The following NOX3 variants were observed in gnomAD, a reference collection of about 807,000 sequenced individuals.
The protein encoded by NOX3 is NADPH oxidase catalytic subunit-like 3.
In NOX3, 74 loss-of-function variants were observed where a neutral mutation model predicts 76.7. The observed-to-expected ratio is 0.96, with a 90% confidence interval of 0.80 to 1.17. NOX3 has a LOEUF of 1.17. NOX3 is among the 50% of genes most tolerant of loss of function. The pLI, the probability that NOX3 is intolerant of heterozygous loss-of-function variation, is 0.00. For missense variants in NOX3, 695 were observed against 703.3 expected, an observed-to-expected ratio of 0.99 and a Z score of 0.13; for synonymous variants, 263 against 261.1, an observed-to-expected ratio of 1.01 and a Z score of -0.07.
chr6:155,419,865 G>T (rs1776667353), intron 10 of NOX3, among the ~76,000 whole-genome samples: 1 of 152,092 alleles, frequency 6.6e-6, no homozygotes, highest in East Asian at 1.9e-4. Flanking sequence ...AATCATTGAA[G>T]AATTTTTTTG....
At chr6:155,416,046 A>G (rs939174286) in intron 10 of NOX3, among the ~76,000 whole-genome samples, 2 of 152,204 alleles carry the variant, frequency 1.3e-5, no homozygotes, top group Admixed American at 6.5e-5. Flanking sequence ...GATGTGCTCC[A>G]TGAAGGGGAA....
chr6:155,405,094 T>C (rs538200663), intron 12 of NOX3, among the ~76,000 whole-genome samples: 1 of 151,902 alleles, frequency 6.6e-6, no homozygotes, highest in Non-Finnish European at 1.5e-5. Context: ...AGAACAAATA[T>C]GAAGGAAGTA....
At chr6:155,453,271 T>C (rs1183008695) in intron 4 of NOX3, 133 bp downstream of exon 4, 3 of 725,676 alleles carry the variant, frequency 4.1e-6, no homozygotes, top group Admixed American at 2.0e-5. Flanking sequence ...TTGTGTAAGG[T>C]TTACAGGGTC....
chr6:155,444,602 T>C (rs1777036294), intron 4 of NOX3, among the ~76,000 whole-genome samples: 1 of 152,256 alleles, frequency 6.6e-6, no homozygotes, highest in South Asian at 2.1e-4. Flanking sequence ...ACAAATCTTC[T>C]ATCTGAAATT....
chr6:155,445,982 TATATATATATATATA>T (rs1562472161), intron 4 of NOX3, among the ~76,000 whole-genome samples: 1 of 27,040 alleles, frequency 3.7e-5, no homozygotes, highest in African/African-American at 2.0e-4. Context: ...ATATATATGC[TATATATATATATATA>T]ATATATATAT....
chr6:155,417,422 G>A (rs1256590846), intron 10 of NOX3, among the ~76,000 whole-genome samples: 1 of 152,202 alleles, frequency 6.6e-6, no homozygotes, highest in Non-Finnish European at 1.5e-5. Flanking sequence ...TTTGCAAGAA[G>A]ACTGTAGTCA....
In NOX3 at chr6:155,411,229, G is replaced by C. The variant is rs1232419293; in HGVS notation, c.1440C>G (p.Gly480=). 3 of 1,613,480 alleles carry C rather than the reference G, an allele frequency of 1.9e-6. No homozygotes were observed. Among genetic ancestry groups the C allele is most frequent in the Non-Finnish European group, 2.5e-6 (3 of 1,179,784 alleles). The change falls in exon 11 of 14, where the codon GGC becomes GGG. Residue 480 remains glycine, a synonymous_variant. Coordinates refer to ENST00000159060, the MANE Select transcript of NOX3 (RefSeq NM_015718.3). ...TTATCAGTACCTGATTTTCATCCCA[G>C]CCGGTAAGAAATATATGATAACTCA... is the stretch of plus-strand genomic sequence containing the variant. The part of the protein sequence containing the change: ...HFLSYHIFLT[G]WDENQALHIA...
chr6:155,399,100 A>G (rs1779177942), intron 12 of NOX3, among the ~76,000 whole-genome samples: 1 of 152,202 alleles, frequency 6.6e-6, no homozygotes, highest in Non-Finnish European at 1.5e-5. Context: ...TGGTAGATGG[A>G]TCAGGCGAGA....
At chr6:155,439,927 C>T in intron 6 of NOX3, 29 bp downstream of exon 6, 1 of 1,580,146 alleles carries the variant, frequency 6.3e-7, no homozygotes, top group Non-Finnish European at 8.6e-7. Flanking sequence ...GAGATAAAAT[C>T]CTTGCAGAGG....
At chr6:155,398,424 T>C (rs1312054365) in intron 12 of NOX3, among the ~76,000 whole-genome samples, 10 of 152,248 alleles carry the variant, frequency 6.6e-5, no homozygotes, top group Non-Finnish European at 1.5e-4. Context: ...TTAGCTCATA[T>C]GTTAACATGG....
chr6:155,454,476 C>T (rs549879921), intron 3 of NOX3, among the ~76,000 whole-genome samples: 10 of 152,270 alleles, frequency 6.6e-5, no homozygotes, highest in East Asian at 1.9e-4. Flanking sequence ...TTCCTGGTGG[C>T]GTTTGTCTCA....
chr6:155,443,503 A>T, intron 4 of NOX3, 85 bp from the exon 5 acceptor site: 3 of 1,471,582 alleles, frequency 2.0e-6, no homozygotes, highest in Non-Finnish European at 2.7e-6. Flanking sequence ...TCTGTGCTCA[A>T]GTTTCTCTGT....
chr6:155,422,298 T>A (rs887228339), intron 10 of NOX3, among the ~76,000 whole-genome samples: 2 of 152,190 alleles, frequency 1.3e-5, no homozygotes, highest in Admixed American at 1.3e-4. Flanking sequence ...TTGTTAGGAC[T>A]GAGTCCACGA....
chr6:155,404,437 C>T (rs1243735789), intron 12 of NOX3, among the ~76,000 whole-genome samples: 2 of 151,996 alleles, frequency 1.3e-5, no homozygotes, highest in Non-Finnish European at 2.9e-5. Context: ...GATTCTAGGC[C>T]ATATGTCAGC....
At chr6:155,434,767 A>G (rs1264324416) in intron 7 of NOX3, among the ~76,000 whole-genome samples, 2 of 152,180 alleles carry the variant, frequency 1.3e-5, no homozygotes, top group Non-Finnish European at 2.9e-5. Flanking sequence ...ACGTAAGACA[A>G]GTAGGGGAGG....
intron 10 of NOX3, among the ~76,000 whole-genome samples, chr6:155,418,527 G>A (rs1776648778): frequency 2.0e-5 from 3 of 152,010 alleles, no homozygotes; most frequent in Admixed American, 2.0e-4. Context: ...TATACTTCTT[G>A]TTATTTGGCC....
intron 4 of NOX3, among the ~76,000 whole-genome samples, chr6:155,451,993 T>A (rs1777151329): frequency 6.6e-6 from 1 of 152,188 alleles, no homozygotes; most frequent in South Asian, 2.1e-4. Flanking sequence ...TCTTTAAAAC[T>A]TTCTCTTAGA....
chr6:155,435,858 A>G (rs1477865823), intron 7 of NOX3, among the ~76,000 whole-genome samples: 1 of 152,256 alleles, frequency 6.6e-6, no homozygotes, highest in African/African-American at 2.4e-5. Context: ...ATCTACACAA[A>G]TTAATTAAGT....
intron 12 of NOX3, among the ~76,000 whole-genome samples, chr6:155,400,115 C>T (rs1195155112): frequency 6.6e-6 from 1 of 152,148 alleles, no homozygotes; most frequent in Non-Finnish European, 1.5e-5. Flanking sequence ...AACTATTGTG[C>T]TCTTCTCTGT....
Sources: gnomAD v4.1 joint callset for allele counts (sites outside exome capture counted in the v4.1 genomes callset) on GRCh38, gnomAD v4.1.1 for gene constraint, MANE v1.5 for transcripts, NCBI Gene and HGNC (gene_info 2026-07-23, HGNC 2026-07-21) for gene names.